The following ABTB3 variants were observed in gnomAD, a reference collection of about 807,000 sequenced individuals.
ABTB3 encodes ankyrin repeat- and BTB/POZ domain-containing protein 3.
At chr12:107,376,944 C>T in the ABTB3 span, among the ~76,000 whole-genome samples, 1 of 152,174 alleles carries the variant, frequency 6.6e-6, no homozygotes, top group Non-Finnish European at 1.5e-5. Context: ...CAACATCTCA[C>T]CACTGCTGTG....
the ABTB3 span, among the ~76,000 whole-genome samples, chr12:107,326,369 C>T: frequency 1.3e-5 from 2 of 152,290 alleles, no homozygotes; most frequent in African/African-American, 4.8e-5. Context: ...CCTTTTTTAT[C>T]TTCTACGTGT....
the ABTB3 span, among the ~76,000 whole-genome samples, chr12:107,467,494 G>A: frequency 6.6e-6 from 1 of 152,106 alleles, no homozygotes; most frequent in Non-Finnish European, 1.5e-5. Context: ...CTTGATAATT[G>A]TTCACGAATT....
chr12:107,421,945 T>G, the ABTB3 span, among the ~76,000 whole-genome samples: 8 of 152,302 alleles, frequency 5.3e-5, no homozygotes, highest in South Asian at 6.2e-4. Context: ...GCTACAGCAG[T>G]GAACAAGAGA....
chr12:107,595,180 TAGTC>T, the ABTB3 span, among the ~76,000 whole-genome samples: 5 of 152,214 alleles, frequency 3.3e-5, no homozygotes, highest in African/African-American at 9.7e-5. Context: ...TCAGACAAAT[TAGTC>T]AGCGCTTCTG....
At chr12:107,490,123 G>T in the ABTB3 span, among the ~76,000 whole-genome samples, 1 of 152,160 alleles carries the variant, frequency 6.6e-6, no homozygotes, top group Non-Finnish European at 1.5e-5. Context: ...CTTTCTCCAG[G>T]TGCCTTGACA....
the ABTB3 span, chr12:107,544,104 C>A: frequency 1.9e-6 from 3 of 1,614,118 alleles, no homozygotes; most frequent in Non-Finnish European, 2.5e-6. Context: ...AAAACCCCAA[C>A]GTGGAGCCTT....
the ABTB3 span, among the ~76,000 whole-genome samples, chr12:107,549,086 G>A: frequency 1.3e-5 from 2 of 152,150 alleles, no homozygotes; most frequent in East Asian, 3.9e-4. Flanking sequence ...CAAACGGAAT[G>A]TACAGACATT....
chr12:107,358,877 C>T, the ABTB3 span, among the ~76,000 whole-genome samples: 2 of 152,298 alleles, frequency 1.3e-5, no homozygotes, highest in South Asian at 2.1e-4. Flanking sequence ...CAGGCATGAA[C>T]CACTGCTCGG....
chr12:107,397,273 C>T, the ABTB3 span, among the ~76,000 whole-genome samples: 3 of 152,158 alleles, frequency 2.0e-5, no homozygotes, highest in African/African-American at 7.2e-5. Context: ...TCCCACCGGT[C>T]CTTGGTATTA....
At chr12:107,440,842 G>T in the ABTB3 span, among the ~76,000 whole-genome samples, 1 of 152,218 alleles carries the variant, frequency 6.6e-6, no homozygotes, top group Non-Finnish European at 1.5e-5. Context: ...ACAGCTGCAT[G>T]AATGACTGCC....
chr12:107,513,656 A>G, the ABTB3 span, among the ~76,000 whole-genome samples: 2 of 152,186 alleles, frequency 1.3e-5, no homozygotes, highest in Non-Finnish European at 2.9e-5. Flanking sequence ...ATGGACTAAT[A>G]TAGCATCCCT....
chr12:107,329,324 A>C, the ABTB3 span, among the ~76,000 whole-genome samples: 1 of 152,198 alleles, frequency 6.6e-6, no homozygotes, highest in African/African-American at 2.4e-5. Flanking sequence ...AAGTCAGTTC[A>C]TCTTTCCCAG....
At chr12:107,371,735 CTCT>C in the ABTB3 span, among the ~76,000 whole-genome samples, 1 of 152,210 alleles carries the variant, frequency 6.6e-6, no homozygotes. Context: ...CCATAATTCA[CTCT>C]TCAAGATCCA....
At chr12:107,440,385 T>C in the ABTB3 span, among the ~76,000 whole-genome samples, 1 of 152,200 alleles carries the variant, frequency 6.6e-6, no homozygotes, top group African/African-American at 2.4e-5. Context: ...GCCTGGAAGG[T>C]TCTAACCTCC....
the ABTB3 span, chr12:107,649,178 T>C: frequency 6.3e-7 from 1 of 1,593,692 alleles, no homozygotes; most frequent in South Asian, 1.1e-5. Context: ...TCTTTGCTGT[T>C]GACACTGTTC....
the ABTB3 span, among the ~76,000 whole-genome samples, chr12:107,525,852 G>A: frequency 1.3e-5 from 2 of 152,212 alleles, no homozygotes; most frequent in African/African-American, 4.8e-5. Context: ...CTGTGTACCA[G>A]CTGCTTTGAA....
chr12:107,488,721 T>C, the ABTB3 span, among the ~76,000 whole-genome samples: 545 of 151,680 alleles, frequency 3.6e-3, 5 homozygotes, highest in African/African-American at 0.012. Context: ...TTTTTAAGTA[T>C]AGTTTAGTGG....
chr12:107,435,224 C>T, the ABTB3 span, among the ~76,000 whole-genome samples: 5 of 152,250 alleles, frequency 3.3e-5, no homozygotes, highest in East Asian at 5.8e-4. Flanking sequence ...AGAATCAGTG[C>T]GTACCCACCA....
chr12:107,621,160 C>T, the ABTB3 span, among the ~76,000 whole-genome samples: 2 of 152,184 alleles, frequency 1.3e-5, no homozygotes, highest in African/African-American at 2.4e-5. Context: ...GGGTGGAAAG[C>T]GAGTCCCATT....
Sources: gnomAD v4.1 joint callset for allele counts (sites outside exome capture counted in the v4.1 genomes callset) on GRCh38, gnomAD v4.1.1 for gene constraint, MANE v1.5 for transcripts, NCBI Gene and HGNC (gene_info 2026-07-23, HGNC 2026-07-21) for gene names.